Variants in POLQ observed in about 807,000 individuals in gnomAD.
POLQ encodes DNA polymerase theta.
A neutral mutation model predicts 259.2 loss-of-function variants in POLQ; 233 were observed. The ratio of observed to expected loss-of-function variants is 0.90; its 90% CI spans 0.81 to 1.00. The LOEUF (loss-of-function observed/expected upper bound fraction) is 1.00, where lower values mean the gene tolerates loss of function less well. Among genes scored for constraint, POLQ ranks in the 50% least tolerant of loss-of-function variants. The probability of loss-of-function intolerance (pLI) is 0.00; values close to 1 mark genes in which losing one functional copy is unlikely to be tolerated. For missense variants in POLQ, 2,871 were observed against 3,051.6 expected (o/e 0.94, Z 1.39); for synonymous variants, 1,025 against 1,048.8 (o/e 0.98, Z 0.44).
chr3:121,519,675 CAAA>C (rs959037678), intron 9 of POLQ, among the ~76,000 whole-genome samples, 193 bp downstream of exon 9: 1 of 59,810 alleles, frequency 1.7e-5, no homozygotes, highest in African/African-American at 6.2e-5. Flanking sequence ...GACTCCGTCT[CAAA>C]AAAAAAAAAA....
rs538284170 is a variant in POLQ, at chr3:121,498,540, C to G, written c.2090G>C (p.Cys697Ser). 4.0e-5 allele frequency: 64 copies of G among 1,614,126 alleles called. No homozygotes were observed. The South Asian group carries it at 6.4e-4, about 16-fold the overall frequency. The change falls in exon 13 of 30, where the codon TGT becomes TCT. Residue 697 changes from cysteine (C) to serine (S), a missense_variant. Physicochemically the swap from Cys to Ser is moderately radical, Grantham distance 112. This residue lies in a region of POLQ where 783 missense variants were observed against 906.2 expected (regional missense o/e 0.86). Coordinates refer to ENST00000264233, the MANE Select transcript of POLQ (RefSeq NM_199420.4). ...VGVEEGFLAR[C>S]VKGKVVARTE... ...TCTGGCTACTACTTTTCCTTTCACACAACGGGCCAAGAACCCCTCTTCAAC... is the reference window on the plus strand; with the variant it reads ...TCTGGCTACTACTTTTCCTTTCACAGAACGGGCCAAGAACCCCTCTTCAAC...
In POLQ at chr3:121,539,527, C is replaced by A. The variant is rs558534411; in HGVS notation, c.537G>T (p.Arg179Ser). Residue 179 changes from arginine (R) to serine (S), a missense_variant, in exon 4 of 30, where the codon AGG becomes AGT. Arg to Ser is a moderately radical substitution (Grantham distance 110, BLOSUM62 -1). Around this residue, in one of 3 missense-constraint regions of POLQ, gnomAD observed 783 missense variants for 906.2 expected, o/e 0.86. Transcript: ENST00000264233. ...DGYMGSTSPS[R>S]HFSSLDIAVC... ...CTGCAATATCCAATGAAGAGAAATGCCTTGATGGAGAGGTGCTGCCCATAT... is the reference window on the plus strand; with the variant it reads ...CTGCAATATCCAATGAAGAGAAATGACTTGATGGAGAGGTGCTGCCCATAT... The A allele has an allele frequency of 1.9e-6, 3 of 1,612,322 alleles. No individual in the cohort carries two copies. In the African/African-American group the frequency reaches 4.0e-5, roughly 21 times the overall value.
rs1560095504 is a variant in POLQ, at chr3:121,483,455, G to GAAGT, written c.5897_5900dup (p.Phe1967LeufsTer7). 2.5e-6 allele frequency: 4 copies of GAAGT among 1,604,244 alleles called. No individual in the cohort carries two copies. Among genetic ancestry groups the GAAGT allele is most frequent in the Non-Finnish European group, 3.4e-6 (4 of 1,176,752 alleles). On this transcript the variant is annotated frameshift_variant, in exon 18 of 30. Coordinates refer to ENST00000264233, the MANE Select transcript of POLQ (RefSeq NM_199420.4). LOFTEE classifies it high-confidence loss of function. Reference sequence around the variant, plus strand: ...GAAGAAGAATTTTATAGCTCTGGATGAAGTCATAGATGACAACAGAACATT... The same window carrying GAAGT: ...GAAGAAGAATTTTATAGCTCTGGATGAAGTAAGTCATAGATGACAACAGAACATT...
At chr3:121,452,684 G>A (rs2047689289) in intron 25 of POLQ, among the ~76,000 whole-genome samples, 1 of 152,072 alleles carries the variant, frequency 6.6e-6, no homozygotes, top group Non-Finnish European at 1.5e-5. Context: ...GAAGTCGGGT[G>A]CCCAATGCCC....
chr3:121,545,604 A>ACTC (rs2048526692), intron 1 of POLQ, 111 bp downstream of exon 1: 2 of 1,028,064 alleles, frequency 1.9e-6, no homozygotes, highest in East Asian at 5.2e-5. Flanking sequence ...GGGGAGTAGA[A>ACTC]GCCCAATGGG....
chr3:121,433,024 C>T lies in POLQ; in HGVS notation c.7553G>A (p.Arg2518Gln), dbSNP rs200303341. 73 of 1,595,446 alleles carry T rather than the reference C, an allele frequency of 4.6e-5. No individual in the cohort carries two copies. Among genetic ancestry groups the T allele is most frequent in the African/African-American group, 1.3e-5 (1 of 74,540 alleles). The change falls in exon 29 of 30, where the codon CGA becomes CAA. Residue 2518 changes from arginine to glutamine, a missense_variant. Transcript: ENST00000264233. ...GAACATCCCTTGCAGTTTTCTCTTT[C>T]GTGACAATCCTACTTCATGAAAAAG... ...MLQSDQTGLS[R>Q]KRKLQGMFCP...
At chr3:121,478,576 T>TAAAAAAAAA (rs143898506) in intron 19 of POLQ, among the ~76,000 whole-genome samples, 1 of 77,402 alleles carries the variant, frequency 1.3e-5, no homozygotes, top group African/African-American at 5.3e-5. Context: ...GGCAAATTTG[T>TAAAAAAAAA]AAAAAAAAAA....
Position 121,468,364 on chromosome 3 carries a change from T to C in POLQ, c.6786A>G (p.Thr2262=), listed in dbSNP as rs2047855458. Residue 2262 remains threonine (T), a synonymous_variant, in exon 23 of 30, where the codon ACA becomes ACG. Coordinates refer to ENST00000264233, the MANE Select transcript of POLQ (RefSeq NM_199420.4). Reference sequence around the variant, plus strand: ...GAGAAGGTGGGCTTTCTCCTACTAGTGTTGGCATTTTGATTTCAAAATCTC... The same window carrying C: ...GAGAAGGTGGGCTTTCTCCTACTAGCGTTGGCATTTTGATTTCAAAATCTC... ...VPRDFEIKMP[T]LVGESPPSQA... The C allele has an allele frequency of 6.2e-7, 1 of 1,611,654 alleles. No individual in the cohort carries two copies. Among genetic ancestry groups the C allele is most frequent in the East Asian group, 2.2e-5 (1 of 44,832 alleles).
At chr3:121,469,379 C>T (rs997471859) in intron 22 of POLQ, among the ~76,000 whole-genome samples, 4 of 152,136 alleles carry the variant, frequency 2.6e-5, no homozygotes, top group African/African-American at 9.7e-5. Flanking sequence ...TTATGACACA[C>T]TCTTCATTGT....
At chr3:121,544,423 G>A (rs563653283) in intron 2 of POLQ, among the ~76,000 whole-genome samples, 3 of 152,248 alleles carry the variant, frequency 2.0e-5, no homozygotes, top group African/African-American at 7.2e-5. Flanking sequence ...TCAAACAGGG[G>A]AAGGGCAGAT....
chr3:121,454,252 C>A (rs976881238), intron 25 of POLQ, among the ~76,000 whole-genome samples: 2 of 152,302 alleles, frequency 1.3e-5, no homozygotes, highest in Admixed American at 6.5e-5. Flanking sequence ...TGGAAAGGAA[C>A]AACCGGTATC....
chr3:121,441,868 G>T (rs949699156), intron 26 of POLQ, among the ~76,000 whole-genome samples: 9 of 152,170 alleles, frequency 5.9e-5, no homozygotes, highest in Non-Finnish European at 1.3e-4. Context: ...AAAAGACTGT[G>T]TTTTTAATAT....
At chr3:121,481,444 GA>G (rs112066878) in intron 19 of POLQ, 127 bp downstream of exon 19, 9 of 842,282 alleles carry the variant, frequency 1.1e-5, no homozygotes, top group South Asian at 2.0e-5. Context: ...GCCTTTTACA[GA>G]AAAAAAGCAC....
At chr3:121,483,296 A>G in intron 18 of POLQ, 90 bp downstream of exon 18, 1 of 644,774 alleles carries the variant, frequency 1.6e-6, no homozygotes, top group Non-Finnish European at 2.5e-6. Flanking sequence ...TTTAAGCTGC[A>G]TTATTGATGC....
chr3:121,511,788 TA>T (rs1177825639), intron 10 of POLQ, 98 bp downstream of exon 10: 23 of 986,366 alleles, frequency 2.3e-5, no homozygotes, highest in Non-Finnish European at 3.1e-5. Flanking sequence ...AAAAATAAAT[TA>T]AAAAAAATAA....
rs987425104 is a variant in POLQ, at chr3:121,472,273, T to G, written c.6544-109A>C. 7.3e-5 allele frequency: 37 copies of G among 504,028 alleles called. No homozygotes were observed. The East Asian group carries it at 9.8e-4, about 13-fold the overall frequency. The allele number at this position is 504,028 out of a possible 1,614,324, so 31.2% of individuals were successfully genotyped here. On this transcript the variant is annotated intron_variant, in intron 21 of 29. Transcript: ENST00000264233. ...CTCAAAATTAAATTTGAGAGTAATA[T>G]CGACAACTCAAAACTATTACTTGGA...
At position 121,544,813 on chromosome 3, in the gene POLQ, CTG is replaced by C; in HGVS notation, c.255_256del (p.His85GlnfsTer9). Reference sequence around the variant, plus strand: ...TTCAAACATCTTTTTTACACCAAAACTGTGGTATTTTTCCAGAACTGCTTTAG... The same window carrying C: ...TTCAAACATCTTTTTTACACCAAAACTGGTATTTTTCCAGAACTGCTTTAG... On this transcript the variant is annotated frameshift_variant, in exon 2 of 30. Transcript: ENST00000264233. LOFTEE classifies it high-confidence loss of function. 6.2e-7 allele frequency: 1 copy of C among 1,612,794 alleles called. No individual in the cohort carries two copies. The highest frequency in any genetic ancestry group is 8.5e-7 in the Non-Finnish European group (1 of 1,178,832).
At chr3:121,471,123 C>T (rs545835881) in intron 22 of POLQ, among the ~76,000 whole-genome samples, 76 of 152,328 alleles carry the variant, frequency 5.0e-4, no homozygotes, top group African/African-American at 1.8e-3. Context: ...CTACACATCA[C>T]ATTTAGCAAA....
chr3:121,505,555 C>T (rs2048201913), intron 12 of POLQ, among the ~76,000 whole-genome samples: 1 of 151,996 alleles, frequency 6.6e-6, no homozygotes, highest in African/African-American at 2.4e-5. Context: ...GAAATGTACC[C>T]AAATACAAAT....
Sources: gnomAD v4.1 joint callset for allele counts (sites outside exome capture counted in the v4.1 genomes callset) on GRCh38, gnomAD v4.1.1 for gene constraint, gnomAD v4.1.1 regional missense constraint, MANE v1.5 for transcripts, NCBI Gene and HGNC (gene_info 2026-07-23, HGNC 2026-07-21) for gene names.